CDH13: variants seen among roughly 807,000 people sequenced by gnomAD.
The protein encoded by CDH13 is cadherin 13.
Under a neutral mutation model 63.8 loss-of-function variants are expected in CDH13, and 24 were observed. The observed-to-expected ratio is 0.38, with a 90% CI of 0.27 to 0.53. CDH13 has a LOEUF of 0.53. CDH13 is among the 20% of genes least tolerant of loss of function. The probability of loss-of-function intolerance (pLI) is 0.85; values close to 1 mark genes in which losing one functional copy is unlikely to be tolerated. For synonymous variants in CDH13, 503 were observed against 355.3 expected (o/e 1.42, Z -4.67); for missense variants, 1,049 against 903.1 (o/e 1.16, Z -2.07).
intron 6 of CDH13, among the ~76,000 whole-genome samples, chr16:83,348,084 G>A (rs1254002560): frequency 1.3e-5 from 2 of 152,170 alleles, no homozygotes; most frequent in East Asian, 3.9e-4. Flanking sequence ...CAGCTAGTCG[G>A]GAGGCTGAGG....
At chr16:83,267,058 T>C (rs112298648) in intron 5 of CDH13, among the ~76,000 whole-genome samples, 3 of 152,202 alleles carry the variant, frequency 2.0e-5, no homozygotes, top group Non-Finnish European at 2.9e-5. Context: ...TGCTTTTTTT[T>C]CTCAGTGTTA....
intron 6 of CDH13, among the ~76,000 whole-genome samples, chr16:83,372,585 C>G (rs1410716179): frequency 1.3e-5 from 2 of 151,878 alleles, no homozygotes; most frequent in East Asian, 3.9e-4. Context: ...AACCCCATCT[C>G]TACTAAAAAT....
At position 83,441,524 on chromosome 16, in the gene CDH13, G is replaced by C. The variant is rs112105546; in HGVS notation, c.782-44953G>C. 2.9e-3 allele frequency among the ~76,000 whole-genome samples: 448 copies of C among 152,248 alleles called. 6 individuals carry two copies. The highest frequency in any genetic ancestry group is 0.01 in the African/African-American group (435 of 41,558). ...TGATATTTTCTTAATGTTTAAAAAG[G>C]AACATTAACAGTTTTTATGATAAAT... On this transcript the variant is annotated intron_variant, in intron 6 of 13. Transcript: ENST00000567109.
chr16:82,971,613 G>C (rs187848312), intron 2 of CDH13, among the ~76,000 whole-genome samples: 16 of 152,166 alleles, frequency 1.1e-4, no homozygotes, highest in Non-Finnish European at 1.8e-4. Flanking sequence ...ACTAGTGTGC[G>C]TTAAATGACA....
intron 1 of CDH13, among the ~76,000 whole-genome samples, chr16:82,642,255 T>G (rs1909502239): frequency 1.3e-5 from 2 of 152,206 alleles, no homozygotes; most frequent in Non-Finnish European, 2.9e-5. Context: ...GAGTTGCATT[T>G]AACTCAGAGG....
intron 1 of CDH13, among the ~76,000 whole-genome samples, chr16:82,636,523 T>C (rs972656613): frequency 5.9e-5 from 9 of 152,212 alleles, no homozygotes; most frequent in South Asian, 2.1e-4. Context: ...AATCGTTTCT[T>C]GAACATTCAA....
chr16:82,654,388 C>G (rs1911066867), intron 1 of CDH13, among the ~76,000 whole-genome samples: 1 of 152,144 alleles, frequency 6.6e-6, no homozygotes, highest in African/African-American at 2.4e-5. Context: ...TGTTTTGAGC[C>G]AAGCATATAA....
chr16:83,327,030 G>A (rs1320963147), intron 5 of CDH13, among the ~76,000 whole-genome samples: 1 of 152,196 alleles, frequency 6.6e-6, no homozygotes, highest in Non-Finnish European at 1.5e-5. Context: ...TGTTGAGCTA[G>A]GGTTGTAAGA....
intron 6 of CDH13, among the ~76,000 whole-genome samples, chr16:83,475,294 G>A (rs1215654165): frequency 6.6e-6 from 1 of 152,218 alleles, no homozygotes; most frequent in African/African-American, 2.4e-5. Context: ...AGAGTGCTGT[G>A]TGTCGTTTCT....
chr16:83,649,641 G>T (rs1912174134), intron 8 of CDH13, among the ~76,000 whole-genome samples: 1 of 152,170 alleles, frequency 6.6e-6, no homozygotes, highest in African/African-American at 2.4e-5. Flanking sequence ...CAGCAAGGAA[G>T]ATAGCCTCCT....
intron 6 of CDH13, among the ~76,000 whole-genome samples, chr16:83,443,272 C>T (rs184856962): frequency 4.6e-5 from 7 of 152,206 alleles, no homozygotes; most frequent in South Asian, 2.1e-4. Flanking sequence ...GGGGAGGCCA[C>T]GCCTCTGAGA....
At chr16:82,751,169 G>A (rs1396835012) in intron 1 of CDH13, among the ~76,000 whole-genome samples, 1 of 152,138 alleles carries the variant, frequency 6.6e-6, no homozygotes, top group African/African-American at 2.4e-5. Flanking sequence ...TCACCATGAT[G>A]GACAAGAAAA....
intron 8 of CDH13, among the ~76,000 whole-genome samples, chr16:83,644,440 C>T (rs1409831153): frequency 1.3e-5 from 2 of 152,178 alleles, no homozygotes; most frequent in Non-Finnish European, 2.9e-5. Context: ...CTTGAATGTA[C>T]ATCTTCACGT....
chr16:83,666,966 G>C (rs1313157525), intron 8 of CDH13, among the ~76,000 whole-genome samples: 1 of 152,038 alleles, frequency 6.6e-6, no homozygotes, highest in Non-Finnish European at 1.5e-5. Flanking sequence ...TATCATGTCT[G>C]TTTTGTTTAG....
intron 8 of CDH13, among the ~76,000 whole-genome samples, chr16:83,665,021 A>T (rs1598435334): frequency 6.6e-6 from 1 of 152,330 alleles, no homozygotes; most frequent in East Asian, 1.9e-4. Flanking sequence ...TTCCGCCATG[A>T]GATAAATCCT....
intron 2 of CDH13, among the ~76,000 whole-genome samples, chr16:82,866,218 C>T (rs1048833491): frequency 6.6e-6 from 1 of 152,052 alleles, no homozygotes; most frequent in Non-Finnish European, 1.5e-5. Flanking sequence ...AACTTTCCCA[C>T]ATCTTCCTGT....
chr16:82,872,721 C>G (rs1232033734), intron 2 of CDH13, among the ~76,000 whole-genome samples: 2 of 152,162 alleles, frequency 1.3e-5, no homozygotes, highest in Non-Finnish European at 2.9e-5. Context: ...TCCCCAAGGA[C>G]TTCTGCATTT....
At chr16:83,168,972 A>G (rs2037806118) in intron 4 of CDH13, among the ~76,000 whole-genome samples, 1 of 152,116 alleles carries the variant, frequency 6.6e-6, no homozygotes, top group Non-Finnish European at 1.5e-5. Context: ...TGTGAGGACC[A>G]TTCAGGTACA....
At chr16:83,678,573 C>T in intron 10 of CDH13, 112 bp downstream of exon 10, 1 of 1,316,574 alleles carries the variant, frequency 7.6e-7, no homozygotes, top group East Asian at 2.5e-5. Flanking sequence ...AACTTGTTAA[C>T]AATCTCAGCA....
Sources: gnomAD v4.1 joint callset for allele counts (sites outside exome capture counted in the v4.1 genomes callset) on GRCh38, gnomAD v4.1.1 for gene constraint, MANE v1.5 for transcripts, NCBI Gene and HGNC (gene_info 2026-07-23, HGNC 2026-07-21) for gene names.